TTN: variants seen among roughly 807,000 people sequenced by gnomAD.
TTN encodes connectin.
TTN carries 1,525 observed loss-of-function variants against 3,223.0 expected under a neutral mutation model. That is an observed-to-expected ratio of 0.47 (90% CI 0.45 to 0.49). TTN has a LOEUF of 0.49. TTN is among the 20% of genes least tolerant of loss of function. The pLI is 0.00. For missense variants in TTN, 40,786 were observed against 43,424.0 expected (o/e 0.94, Z 5.40); for synonymous variants, 14,094 against 15,161.0 (o/e 0.93, Z 5.17).
At chr2:178,750,138 G>A (rs1479362792) in intron 47 of TTN, 5 of 1,612,948 alleles carry the variant, frequency 3.1e-6, no homozygotes, top group African/African-American at 2.7e-5. Context: ...GGAACTGGTG[G>A]GTTAGTTTTT....
chr2:178,732,050 C>A lies in TTN; in HGVS notation c.16903+16G>T. On this transcript the variant is annotated intron_variant, in intron 57 of 362. Transcript: ENST00000589042. The stretch of plus-strand genomic sequence containing the variant: ...GCCATAACTTTGGCAACACAAGAGG[C>A]AAAGTGAACACAAACCTTTGACTAT... 6.3e-7 allele frequency: 1 copy of A among 1,591,964 alleles called. No homozygotes were observed. Among genetic ancestry groups the A allele is most frequent in the Non-Finnish European group, 8.6e-7 (1 of 1,166,512 alleles).
chr2:178,735,781 G>A lies in TTN; in HGVS notation c.14665C>T (p.His4889Tyr). The change falls in exon 50 of 363, where the codon CAT becomes TAT. Residue 4889 changes from histidine to tyrosine, a missense_variant. By Grantham distance (83) the His-to-Tyr change is moderately conservative. Transcript: ENST00000589042. Reference protein sequence around the residue: ...QAELIIIDKPHFIKELEPVQS... With the variant: ...QAELIIIDKPYFIKELEPVQS... ...ACAGGCTCTAATTCTTTAATGAAAT[G>A]TGGCTTATCAATGATGATCAACTCT... 1 of 1,613,716 alleles carries A rather than the reference G, an allele frequency of 6.2e-7. No homozygotes were observed. Among genetic ancestry groups the A allele is most frequent in the South Asian group, 1.1e-5 (1 of 91,072 alleles).
intron 28 of TTN, 39 bp from the exon 29 acceptor site, chr2:178,775,241 T>C: frequency 6.2e-7 from 1 of 1,613,010 alleles, no homozygotes; most frequent in Non-Finnish European, 8.5e-7. Context: ...GAGAGCACAT[T>C]ATATTAAATT....
At chr2:178,641,937 A>C (rs2154239578) in intron 219 of TTN, among the ~76,000 whole-genome samples, 1 of 151,972 alleles carries the variant, frequency 6.6e-6, no homozygotes, top group East Asian at 1.9e-4. Context: ...TTACTACATA[A>C]TTTGGTTATG....
chr2:178,549,103 T>C lies in TTN; in HGVS notation c.92523A>G (p.Glu30841=). The part of the protein sequence containing the change: ...TDTSKTTVSL[E]WSKPVFDGGM... ...CACCATCAAACACTGGTTTGGACCA[T>C]TCTAAGCTCACAGTTGTCTTTGATG... The change falls in exon 339 of 363, where the codon GAA becomes GAG. Residue 30841 remains glutamate, a synonymous_variant. Transcript: ENST00000589042. 1 of 1,613,906 alleles carries C rather than the reference T, an allele frequency of 6.2e-7. No individual in the cohort carries two copies. Among genetic ancestry groups the C allele is most frequent in the Non-Finnish European group, 8.5e-7 (1 of 1,179,836 alleles).
At chr2:178,722,173 TG>T (rs748522494) in intron 77 of TTN, 39 bp from the exon 78 acceptor site, 2 of 1,528,796 alleles carry the variant, frequency 1.3e-6, no homozygotes, top group Non-Finnish European at 1.8e-6. Context: ...ATTTTTTGTT[TG>T]TTTTTTTGCC....
intron 157 of TTN, 102 bp from the exon 158 acceptor site, chr2:178,669,777 C>T: frequency 8.9e-7 from 1 of 1,126,124 alleles, no homozygotes; most frequent in South Asian, 1.3e-5. Context: ...GCCAAAAACC[C>T]CTCAATTATA....
chr2:178,568,941 T>G lies in TTN; in HGVS notation c.77191A>C (p.Ile25731Leu). 2 of 1,613,452 alleles carry G rather than the reference T, an allele frequency of 1.2e-6. No individual in the cohort carries two copies. Among genetic ancestry groups the G allele is most frequent in the Non-Finnish European group, 1.7e-6 (2 of 1,179,566 alleles). ...GCTTGCATTTCCACAATATACTGAA[T>G]GATTTTACTGCCACCATCATGTTCA... ...KPEHDGGSKI[I>L]QYIVEMQAKH... The change falls in exon 326 of 363, where the codon ATT (isoleucine) becomes CTT (leucine). Residue 25731 changes from isoleucine to leucine, a missense_variant. Coordinates refer to ENST00000589042, the MANE Select transcript of TTN (RefSeq NM_001267550.2).
At position 178,782,911 on chromosome 2, in the gene TTN, G is replaced by T; in HGVS notation, c.2995C>A (p.Arg999Ser). Residue 999 changes from arginine (R) to serine (S), a missense_variant, in exon 18 of 363, where the codon CGT (arginine) becomes AGT (serine). By Grantham distance (110) the Arg-to-Ser change is moderately radical. Transcript: ENST00000589042. ...FQITFQSGIA[R>S]LMIREAFAED... is the part of the protein sequence containing the mutation. ...GCAAATGCTTCGCGAATCATAAGAC[G>T]AGCAATTCCACTCTGGAAGGTTATC... is the stretch of plus-strand genomic sequence containing the variant. 6.2e-7 allele frequency: 1 copy of T among 1,614,030 alleles called. No individual in the cohort carries two copies. The highest frequency in any genetic ancestry group is 1.1e-5 in the South Asian group (1 of 91,068).
Position 178,580,106 on chromosome 2 carries a change from C to T in TTN, c.67181G>A (p.Arg22394His), listed in dbSNP as rs777333661. 9.3e-6 allele frequency: 15 copies of T among 1,613,368 alleles called. No individual in the cohort carries two copies. The highest frequency in any genetic ancestry group is 1.7e-4 in the Middle Eastern group (1 of 6,054). The change falls in exon 318 of 363, where the codon CGT becomes CAT. Residue 22394 changes from arginine (R) to histidine (H), a missense_variant. Transcript: ENST00000589042. ...AGACCAGGATTTCCTCTCTGCATCACGTTTTTGTACCACATAGTTTATGAT... is the reference window on the plus strand; with the variant it reads ...AGACCAGGATTTCCTCTCTGCATCATGTTTTTGTACCACATAGTTTATGAT... ...SPIINYVVQK[R>H]DAERKSWSTV...
At chr2:178,694,763 A>G in intron 116 of TTN, 66 bp downstream of exon 116, 3 of 1,482,602 alleles carry the variant, frequency 2.0e-6, no homozygotes, top group Non-Finnish European at 2.8e-6. Flanking sequence ...TAAATAACTA[A>G]TGTGAGTATA....
rs766878814 is a variant in TTN, at chr2:178,739,344, G to A, written c.13889C>T (p.Thr4630Ile). 6.2e-7 allele frequency: 1 copy of A among 1,613,800 alleles called. No homozygotes were observed. Among genetic ancestry groups the A allele is most frequent in the Non-Finnish European group, 8.5e-7 (1 of 1,179,814 alleles). ...ATACCAATTCACCTCTTTAGCATTT[G>A]TTATGGATGTTGTGAGGTGTACAAT... ...GDIVHLTTSI[T>I]NAKEVNWYFE... is the part of the protein sequence containing the mutation. The change falls in exon 48 of 363, where the codon ACA becomes ATA. Residue 4630 changes from threonine to isoleucine, a missense_variant. By Grantham distance (89) the Thr-to-Ile change is moderately conservative. Coordinates refer to ENST00000589042, the MANE Select transcript of TTN (RefSeq NM_001267550.2).
Position 178,782,221 on chromosome 2 carries a change from G to C in TTN, c.3371C>G (p.Thr1124Ser). The stretch of plus-strand genomic sequence containing the variant: ...TCAGCCATCAAAATACCTGTATCCA[G>C]TGGTTAGAGGAACACCAGATTTTTT... ...YWKKSGVPLTTGYRYKVSYNK... is the reference protein window; with the variant it reads ...YWKKSGVPLTSGYRYKVSYNK... Residue 1124 changes from threonine to serine, a missense_variant, in exon 20 of 363, where the codon ACT (threonine) becomes AGT (serine). Transcript: ENST00000589042. The C allele has an allele frequency of 6.2e-7, 1 of 1,614,120 alleles. No homozygotes were observed. Among genetic ancestry groups the C allele is most frequent in the Non-Finnish European group, 8.5e-7 (1 of 1,179,974 alleles).
rs984535715 is a variant in TTN at position 178,759,148 on chromosome 2, T to C, written c.10139A>G (p.Lys3380Arg). 8.7e-6 allele frequency: 14 copies of C among 1,614,008 alleles called. No individual in the cohort carries two copies. Among genetic ancestry groups the C allele is most frequent in the Non-Finnish European group, 1.2e-5 (14 of 1,179,960 alleles). ...CCGAGATGGCTTGATTTTCTTGTCT[T>C]TGCTGTACCACGACACTTTTAGATC... ...GTDLKVSWYSKDKKIKPSRFF... is the reference protein window; with the variant it reads ...GTDLKVSWYSRDKKIKPSRFF... Residue 3380 changes from lysine to arginine, a missense_variant, in exon 44 of 363, where the codon AAA (lysine) becomes AGA (arginine). By Grantham distance (26) the Lys-to-Arg change is conservative (BLOSUM62 2). Transcript: ENST00000589042.
Position 178,546,864 on chromosome 2 carries a change from T to C in TTN, c.94564A>G (p.Thr31522Ala), listed in dbSNP as rs1697400184. The change falls in exon 341 of 363, where the codon ACA becomes GCA. Residue 31522 changes from threonine (T) to alanine (A), a missense_variant. Thr to Ala is a moderately conservative substitution (Grantham distance 58, BLOSUM62 0). Transcript: ENST00000589042. The stretch of plus-strand genomic sequence containing the variant: ...GGGGCAGACCAAATCAGTGATACTG[T>C]TGATCTTGTGACATCTGTCACCTCT... The part of the protein sequence containing the change: ...RPEVTDVTRS[T>A]VSLIWSAPAY... The C allele has an allele frequency of 1.3e-6, 2 of 1,598,892 alleles. No homozygotes were observed. Among genetic ancestry groups the C allele is most frequent in the Non-Finnish European group, 1.7e-6 (2 of 1,169,276 alleles).
At chr2:178,632,049 A>C (rs1576682775) in intron 236 of TTN, 98 bp downstream of exon 236, 2 of 1,316,290 alleles carry the variant, frequency 1.5e-6, no homozygotes, top group East Asian at 5.2e-5. Context: ...GGCTGCTTTC[A>C]TGCAATATAA....
chr2:178,792,190 T>C lies in TTN; in HGVS notation c.1544A>G (p.Lys515Arg), dbSNP rs918290958. The C allele has an allele frequency of 6.2e-7, 1 of 1,606,772 alleles. No homozygotes were observed. The highest frequency in any genetic ancestry group is 8.5e-7 in the Non-Finnish European group (1 of 1,178,362). Reference sequence around the variant, plus strand: ...TGGTACAAATGTTTTTTCAGTTTCTTTTCTTATCTGCAAAGAATGATTTAA... The same window carrying C: ...TGGTACAAATGTTTTTTCAGTTTCTCTTCTTATCTGCAAAGAATGATTTAA... ...QMHVTHEQIR[K>R]ETEKTFVPKV... Residue 515 changes from lysine (K) to arginine (R), a missense_variant, in exon 10 of 363, where the codon AAA becomes AGA. Coordinates refer to ENST00000589042, the MANE Select transcript of TTN (RefSeq NM_001267550.2).
intron 156 of TTN, 101 bp downstream of exon 156, chr2:178,670,989 A>T: frequency 1.2e-6 from 1 of 836,682 alleles, no homozygotes; most frequent in Non-Finnish European, 1.9e-6. Context: ...AACAAGAAAT[A>T]CAGAAGAAAG....
At chr2:178,677,948 A>T in intron 145 of TTN, 31 bp from the exon 146 acceptor site, 2 of 1,570,600 alleles carry the variant, frequency 1.3e-6, no homozygotes, top group Non-Finnish European at 1.7e-6. Flanking sequence ...GGGTACAAAC[A>T]TCACTTTTAT....
Sources: allele counts gnomAD v4.1 joint callset (sites outside exome capture counted in the v4.1 genomes callset), GRCh38; gene constraint gnomAD v4.1.1; transcripts MANE v1.5; gene names NCBI Gene and HGNC (gene_info 2026-07-23, HGNC 2026-07-21).